Variants in ZNF474 observed in about 807,000 individuals in gnomAD.
ZNF474 encodes zinc finger protein 474.
For synonymous variants in ZNF474, 192 were observed against 162.2 expected, an observed-to-expected ratio of 1.18 and a Z score of -1.39; for missense variants, 511 against 433.8, an observed-to-expected ratio of 1.18 and a Z score of -1.58.
chr5:122,135,933 A>G (rs1482461322), intron 1 of ZNF474, among the ~76,000 whole-genome samples: 1 of 149,018 alleles, frequency 6.7e-6, no homozygotes, highest in Non-Finnish European at 1.5e-5. Context: ...GTGGGAGCTA[A>G]AAAAAAAAAT....
Position 122,152,895 on chromosome 5 carries a change from A to G in ZNF474, c.905A>G (p.His302Arg), listed in dbSNP as rs756651560. The G allele has an allele frequency of 8.7e-6, 14 of 1,613,988 alleles. No individual in the cohort carries two copies. Among genetic ancestry groups the G allele is most frequent in the Non-Finnish European group, 1.2e-5 (14 of 1,180,044 alleles). Residue 302 changes from histidine (H) to arginine (R), a missense_variant, in exon 2 of 2, where the codon CAC becomes CGC. His to Arg is a conservative substitution (Grantham distance 29). Coordinates refer to ENST00000296600, the MANE Select transcript of ZNF474 (RefSeq NM_207317.3). ...RIFTSDRLLVHQRSCKTHPYG... is the reference protein window; with the variant it reads ...RIFTSDRLLVRQRSCKTHPYG... ...TTTACCTCAGACCGCCTCCTGGTAC[A>G]CCAGAGAAGTTGTAAAACTCATCCT...
chr5:122,151,968 A>G lies in ZNF474; in HGVS notation c.-23A>G, dbSNP rs1202132127. ...AGTCTGGCCTGAAATCAGAGCAAGC[A>G]CTACAGAAAGACATCTTTGTTAATG... On this transcript the variant is annotated 5_prime_UTR_variant, in exon 2 of 2. Transcript: ENST00000296600. 1.9e-6 allele frequency: 3 copies of G among 1,593,144 alleles called. No individual in the cohort carries two copies. Among genetic ancestry groups the G allele is most frequent in the Non-Finnish European group, 2.6e-6 (3 of 1,173,960 alleles).
At chr5:122,150,782 T>TG (rs1756148209) in intron 1 of ZNF474, among the ~76,000 whole-genome samples, 3 of 152,174 alleles carry the variant, frequency 2.0e-5, no homozygotes, top group Non-Finnish European at 4.4e-5. Flanking sequence ...TGGGGATCCT[T>TG]GGGGAATCCA....
chr5:122,132,542 G>C (rs1248566406), intron 1 of ZNF474, among the ~76,000 whole-genome samples: 1 of 151,840 alleles, frequency 6.6e-6, no homozygotes, highest in East Asian at 1.9e-4. Flanking sequence ...TTTATACTTA[G>C]TTCTTTTGTG....
At chr5:122,133,658 C>G (rs1056777219) in intron 1 of ZNF474, among the ~76,000 whole-genome samples, 2 of 152,176 alleles carry the variant, frequency 1.3e-5, no homozygotes, top group African/African-American at 2.4e-5. Flanking sequence ...CTCCTGGGCT[C>G]AAGCGATCCT....
Position 122,153,050 on chromosome 5 carries a change from G to C in ZNF474, c.1060G>C (p.Ala354Pro). The C allele has an allele frequency of 6.2e-7, 1 of 1,613,340 alleles. No individual in the cohort carries two copies. The highest frequency in any genetic ancestry group is 8.5e-7 in the Non-Finnish European group (1 of 1,179,486). ...TDKVIHATQD[A>P]LGEPGGALCL The stretch of plus-strand genomic sequence containing the variant: ...TAAGGTAATTCATGCCACACAAGAC[G>C]CATTAGGTGAACCTGGTGGTGCCCT... The change falls in exon 2 of 2, where the codon GCA becomes CCA. Residue 354 changes from alanine (A) to proline (P), a missense_variant. Transcript: ENST00000296600.
chr5:122,145,034 C>T (rs190039200), intron 1 of ZNF474, among the ~76,000 whole-genome samples: 7 of 152,264 alleles, frequency 4.6e-5, no homozygotes, highest in South Asian at 2.1e-4. Context: ...TAGTTAGAAG[C>T]GCAAAGAGTG....
intron 1 of ZNF474, among the ~76,000 whole-genome samples, chr5:122,141,540 C>T (rs186570235): frequency 6.6e-4 from 100 of 152,134 alleles, no homozygotes; most frequent in Middle Eastern, 3.4e-3. Flanking sequence ...ATCTCTTGAC[C>T]TCATGATCCA....
intron 1 of ZNF474, among the ~76,000 whole-genome samples, chr5:122,135,649 A>C (rs1039858023): frequency 6.6e-5 from 10 of 152,144 alleles, no homozygotes; most frequent in Non-Finnish European, 1.3e-4. Flanking sequence ...GTATATAGCC[A>C]AAAAAAGTTG....
intron 1 of ZNF474, among the ~76,000 whole-genome samples, chr5:122,146,172 G>A (rs553549417): frequency 3.4e-4 from 52 of 152,262 alleles, no homozygotes; most frequent in African/African-American, 1.2e-3. Context: ...TGTTGGCAGA[G>A]CATAACACAG....
intron 1 of ZNF474, among the ~76,000 whole-genome samples, chr5:122,138,657 A>C (rs2152604228): frequency 6.6e-6 from 1 of 152,346 alleles, no homozygotes; most frequent in African/African-American, 2.4e-5. Context: ...AATAAGTGTC[A>C]GATGGACTAG....
chr5:122,151,368 G>A (rs1018452610), intron 1 of ZNF474, among the ~76,000 whole-genome samples: 3 of 152,146 alleles, frequency 2.0e-5, no homozygotes, highest in African/African-American at 4.8e-5. Context: ...GTTTCTGTGG[G>A]GCCCAGGGGG....
intron 1 of ZNF474, among the ~76,000 whole-genome samples, chr5:122,135,317 A>C (rs980007251): frequency 6.6e-6 from 1 of 152,190 alleles, no homozygotes; most frequent in African/African-American, 2.4e-5. Flanking sequence ...AAATTTTTTT[A>C]ATTAGAAAAA....
At chr5:122,140,675 A>G (rs1437871188) in intron 1 of ZNF474, among the ~76,000 whole-genome samples, 1 of 152,206 alleles carries the variant, frequency 6.6e-6, no homozygotes, top group African/African-American at 2.4e-5. Flanking sequence ...AGGGACCCCC[A>G]TCTTTGGGAC....
At chr5:122,133,500 C>A (rs1245431760) in intron 1 of ZNF474, among the ~76,000 whole-genome samples, 2 of 152,202 alleles carry the variant, frequency 1.3e-5, no homozygotes, top group Non-Finnish European at 2.9e-5. Context: ...ATACCTATTT[C>A]TTTTGAGCCT....
rs80156186 is a variant in ZNF474, at chr5:122,149,296, G to T, written c.-212-2483G>T. Among the ~76,000 whole-genome samples, 172 of 152,124 alleles carry T rather than the reference G, an allele frequency of 1.1e-3. 1 individual carries two copies. The highest frequency in any genetic ancestry group is 4.0e-3 in the African/African-American group (165 of 41,522). On this transcript the variant is annotated intron_variant, in intron 1 of 1. Transcript: ENST00000296600. Reference sequence around the variant, plus strand: ...GTACCCCGAACCTATAATAAAAGTTGAAGAAAAAAAGTCCCCTGTCACTTA... The same window carrying T: ...GTACCCCGAACCTATAATAAAAGTTTAAGAAAAAAAGTCCCCTGTCACTTA...
At chr5:122,142,109 G>A (rs1017861730) in intron 1 of ZNF474, among the ~76,000 whole-genome samples, 3 of 152,174 alleles carry the variant, frequency 2.0e-5, no homozygotes, top group Non-Finnish European at 4.4e-5. Flanking sequence ...GTCAACCATA[G>A]GGTGCTATAC....
In ZNF474 at chr5:122,152,640, C is replaced by T; in HGVS notation, c.650C>T (p.Ala217Val). ...AAGAAAGCTTGTAGTGGAACCCCAG[C>T]CCGACCAAGGACTGTTATCTGCTAC... Reference protein sequence around the residue: ...GLKKACSGTPARPRTVICYIC... With the variant: ...GLKKACSGTPVRPRTVICYIC... Residue 217 changes from alanine to valine, a missense_variant, in exon 2 of 2, where the codon GCC (alanine) becomes GTC (valine). Coordinates refer to ENST00000296600, the MANE Select transcript of ZNF474 (RefSeq NM_207317.3). 6.2e-7 allele frequency: 1 copy of T among 1,614,182 alleles called. No homozygotes were observed. The highest frequency in any genetic ancestry group is 8.5e-7 in the Non-Finnish European group (1 of 1,180,026).
At chr5:122,132,133 A>G (rs1189482991) in intron 1 of ZNF474, among the ~76,000 whole-genome samples, 2 of 152,112 alleles carry the variant, frequency 1.3e-5, no homozygotes, top group Non-Finnish European at 2.9e-5. Context: ...CACATTATTC[A>G]AAGGGATCCA....
Sources: gnomAD v4.1 joint callset for allele counts (sites outside exome capture counted in the v4.1 genomes callset) on GRCh38, gnomAD v4.1.1 for gene constraint, MANE v1.5 for transcripts, NCBI Gene and HGNC (gene_info 2026-07-23, HGNC 2026-07-21) for gene names.